ATRNL1: variants seen among roughly 807,000 people sequenced by gnomAD.
ATRNL1 encodes attractin like 1.
A neutral mutation model predicts 182.7 loss-of-function variants in ATRNL1; 95 were observed. That is an observed-to-expected ratio of 0.52 (90% CI 0.44 to 0.62). The LOEUF (loss-of-function observed/expected upper bound fraction) is 0.62. Among genes scored for constraint, ATRNL1 ranks in the 20% least tolerant of loss-of-function variants. The pLI is 0.00. For missense variants in ATRNL1, 1,471 were observed against 1,679.5 expected, an observed-to-expected ratio of 0.88 and a Z score of 2.17; for synonymous variants, 576 against 568.3, an observed-to-expected ratio of 1.01 and a Z score of -0.19.
intron 10 of ATRNL1, among the ~76,000 whole-genome samples, chr10:115,259,124 C>G (rs547600871): frequency 8.8e-4 from 134 of 152,324 alleles, no homozygotes; most frequent in Non-Finnish European, 2.1e-4. Context: ...GCTCAAACGC[C>G]ATGCTGGGAG....
At chr10:115,635,305 G>T (rs1555027687) in intron 26 of ATRNL1, among the ~76,000 whole-genome samples, 1 of 150,086 alleles carries the variant, frequency 6.7e-6, no homozygotes, top group East Asian at 2.0e-4. Flanking sequence ...AGACAACAGA[G>T]TGGGAAAAGT....
At chr10:115,904,520 C>T (rs1952444195) in intron 28 of ATRNL1, among the ~76,000 whole-genome samples, 1 of 152,134 alleles carries the variant, frequency 6.6e-6, no homozygotes, top group Non-Finnish European at 1.5e-5. Flanking sequence ...GTGGATTTCC[C>T]CCTCACAAGC....
chr10:115,833,737 G>A (rs928353013), intron 27 of ATRNL1, among the ~76,000 whole-genome samples: 2 of 152,086 alleles, frequency 1.3e-5, no homozygotes, highest in Admixed American at 6.6e-5. Context: ...CCAAGTAAGC[G>A]GCAGTTAAGA....
At chr10:115,160,326 T>C (rs1846723035) in intron 6 of ATRNL1, 112 bp downstream of exon 6, 2 of 1,005,090 alleles carry the variant, frequency 2.0e-6, no homozygotes, top group Admixed American at 5.0e-5. Flanking sequence ...TGTGGTAGTG[T>C]CTATTTGCTA....
chr10:115,344,019 G>A (rs1305981115), intron 19 of ATRNL1, among the ~76,000 whole-genome samples: 1 of 152,170 alleles, frequency 6.6e-6, no homozygotes, highest in Non-Finnish European at 1.5e-5. Flanking sequence ...TTAAAGCTGG[G>A]GGTGGAGTGA....
chr10:115,204,121 T>G (rs1468291506), intron 8 of ATRNL1, among the ~76,000 whole-genome samples: 1 of 152,066 alleles, frequency 6.6e-6, no homozygotes, highest in African/African-American at 2.4e-5. Context: ...CATATAAAAA[T>G]GCTACTGATT....
At chr10:115,659,801 G>A (rs988857860) in intron 26 of ATRNL1, among the ~76,000 whole-genome samples, 32 of 152,134 alleles carry the variant, frequency 2.1e-4, no homozygotes, top group African/African-American at 7.0e-4. Flanking sequence ...CAGTGAGAAG[G>A]GAATGTTCCA....
intron 27 of ATRNL1, among the ~76,000 whole-genome samples, chr10:115,784,658 T>A (rs1949352289): frequency 6.6e-6 from 1 of 152,204 alleles, no homozygotes; most frequent in Non-Finnish European, 1.5e-5. Context: ...GCCTCTCTCT[T>A]AGCTGTTGGT....
intron 13 of ATRNL1, among the ~76,000 whole-genome samples, chr10:115,279,213 A>AAAT (rs1350081364): frequency 1.2e-4 from 18 of 149,334 alleles, no homozygotes; most frequent in South Asian, 4.2e-4. Context: ...AAAAAAAAAA[A>AAAT]AATAATAATA....
chr10:115,893,409 C>G (rs1394835305), intron 28 of ATRNL1, among the ~76,000 whole-genome samples: 1 of 152,224 alleles, frequency 6.6e-6, no homozygotes, highest in Non-Finnish European at 1.5e-5. Context: ...GATTTGCAAT[C>G]TGTGTGCCTT....
Sources: allele counts gnomAD v4.1 joint callset (sites outside exome capture counted in the v4.1 genomes callset), GRCh38; gene constraint gnomAD v4.1.1; transcripts MANE v1.5; gene names NCBI Gene and HGNC (gene_info 2026-07-23, HGNC 2026-07-21).